Variants in EIF4G3 observed in about 807,000 individuals in gnomAD.
The protein encoded by EIF4G3 is eukaryotic translation initiation factor 4 gamma 3.
A neutral mutation model predicts 186.4 loss-of-function variants in EIF4G3; 34 were observed. That is an observed-to-expected ratio of 0.18 (90% CI 0.14 to 0.24). The LOEUF is 0.24. Among genes scored for constraint, EIF4G3 ranks in the 10% least tolerant of loss-of-function variants. The probability of loss-of-function intolerance (pLI) is 1.00; values close to 1 mark genes in which losing one functional copy is unlikely to be tolerated. For missense variants in EIF4G3, 1,536 were observed against 1,948.5 expected, an observed-to-expected ratio of 0.79 and a Z score of 3.99; for synonymous variants, 673 against 679.5, an observed-to-expected ratio of 0.99 and a Z score of 0.15.
At chr1:20,817,349 C>T in intron 34 of EIF4G3, 43 bp downstream of exon 34, 1 of 1,355,854 alleles carries the variant, frequency 7.4e-7, no homozygotes, top group Admixed American at 2.4e-5. Context: ...CCACAAGAAT[C>T]TTTCCTGTAG....
intron 4 of EIF4G3, among the ~76,000 whole-genome samples, chr1:21,030,535 T>C (rs1402531663): frequency 6.6e-6 from 1 of 152,180 alleles, no homozygotes; most frequent in Non-Finnish European, 1.5e-5. Flanking sequence ...CTTTTGTAAA[T>C]TGCCCAGTGT....
At chr1:21,087,669 T>C in intron 3 of EIF4G3, among the ~76,000 whole-genome samples, 1 of 152,088 alleles carries the variant, frequency 6.6e-6, no homozygotes, top group East Asian at 1.9e-4. Flanking sequence ...AGTCTCGCTC[T>C]GTCGCCCAGG....
At chr1:20,827,437 G>T (rs1457746758) in intron 32 of EIF4G3, among the ~76,000 whole-genome samples, 180 bp downstream of exon 32, 1 of 152,014 alleles carries the variant, frequency 6.6e-6, no homozygotes, top group Non-Finnish European at 1.5e-5. Context: ...TGATAATTCT[G>T]CCCCAAGATA....
intron 2 of EIF4G3, 109 bp from the exon 3 acceptor site, chr1:21,089,322 G>C (rs1456822679): frequency 1.1e-5 from 7 of 662,614 alleles, no homozygotes; most frequent in Non-Finnish European, 1.9e-5. Context: ...CACCCAATTA[G>C]TGAGTTATAT....
chr1:20,923,573 A>G (rs1205912507), intron 14 of EIF4G3, among the ~76,000 whole-genome samples: 3 of 151,954 alleles, frequency 2.0e-5, no homozygotes, highest in Non-Finnish European at 4.4e-5. Context: ...CCTTACACCT[A>G]CTCAACACTT....
At chr1:20,833,940 A>G (rs941940247) in intron 30 of EIF4G3, among the ~76,000 whole-genome samples, 1 of 152,230 alleles carries the variant, frequency 6.6e-6, no homozygotes, top group East Asian at 1.9e-4. Context: ...TAGTGTTGGA[A>G]GAAAAATATT....
intron 28 of EIF4G3, among the ~76,000 whole-genome samples, chr1:20,850,774 C>T (rs543929685): frequency 7.9e-4 from 120 of 152,290 alleles, no homozygotes; most frequent in African/African-American, 2.7e-3. Context: ...ATTTTTAGAG[C>T]ATTATCCGAG....
In EIF4G3 at chr1:21,093,819, C is replaced by T. The variant is rs1313337800; in HGVS notation, c.-271-4606G>A. On this transcript the variant is annotated intron_variant, in intron 2 of 36. Transcript: ENST00000602326. ...GTCCTTTGTAGGGACATGGATGAAG[C>T]TGGAAACCATCATTCTCAGCAAACT... Among the ~76,000 whole-genome samples the T allele has an allele frequency of 2.6e-5, 4 of 151,740 alleles. No homozygotes were observed. The South Asian group carries it at 8.3e-4, about 32-fold the overall frequency.
intron 28 of EIF4G3, among the ~76,000 whole-genome samples, chr1:20,849,875 T>C (rs1257321069): frequency 6.6e-6 from 1 of 152,194 alleles, no homozygotes; most frequent in Non-Finnish European, 1.5e-5. Context: ...GCCACTAAGC[T>C]TGAGCCACAC....
rs373885915 is a variant in EIF4G3 at position 20,953,753 on chromosome 1, C to T, written c.715-3642G>A. Among the ~76,000 whole-genome samples, 19 of 152,278 alleles carry T rather than the reference C, an allele frequency of 1.2e-4. No individual in the cohort carries two copies. In the East Asian group the frequency reaches 3.3e-3, roughly 26 times the overall value. ...ACAACTACAATCCTGGGGCCATATA[C>T]CTGATTTTGTACTGCCCACAAGGTA... On this transcript the variant is annotated intron_variant, in intron 12 of 36. Transcript: ENST00000602326.
At chr1:20,830,312 T>G (rs1307007281) in intron 30 of EIF4G3, among the ~76,000 whole-genome samples, 1 of 152,214 alleles carries the variant, frequency 6.6e-6, no homozygotes, top group Non-Finnish European at 1.5e-5. Flanking sequence ...ATTCTGAAGC[T>G]GCCACTTCAA....
chr1:20,941,928 G>A lies in EIF4G3; in HGVS notation c.1226C>T (p.Thr409Ile), dbSNP rs140024362. 2.3e-5 allele frequency: 37 copies of A among 1,613,996 alleles called. No homozygotes were observed. In the African/African-American group the frequency reaches 4.4e-4, roughly 19 times the overall value. The change falls in exon 14 of 37, where the codon ACT becomes ATT. Residue 409 changes from threonine to isoleucine, a missense_variant. Around this residue, in one of 11 missense-constraint regions of EIF4G3, gnomAD observed 560 missense variants for 547.8 expected, o/e 1.02. Transcript: ENST00000602326. ...TCCATTTATTTCATTAATTAGGTTA[G>A]TACTAGAAACCAGTGGAATATCATT... is the stretch of plus-strand genomic sequence containing the variant. ...APNDIPLVSS[T>I]NLINEINGVS...
chr1:20,940,256 T>G (rs939352688), intron 14 of EIF4G3, among the ~76,000 whole-genome samples: 1 of 152,204 alleles, frequency 6.6e-6, no homozygotes, highest in Non-Finnish European at 1.5e-5. Flanking sequence ...CTATGAATAC[T>G]GATGTCAATG....
chr1:21,056,146 T>C (rs754906796), intron 3 of EIF4G3, among the ~76,000 whole-genome samples: 1 of 152,190 alleles, frequency 6.6e-6, no homozygotes, highest in Non-Finnish European at 1.5e-5. Flanking sequence ...ATGCATCCTT[T>C]GCAACTCTAA....
intron 12 of EIF4G3, among the ~76,000 whole-genome samples, chr1:20,953,963 G>A (rs772347477): frequency 2.0e-5 from 3 of 152,142 alleles, no homozygotes; most frequent in Admixed American, 1.3e-4. Context: ...TGGCAGAATC[G>A]AAGAGTGCTA....
At position 21,089,070 on chromosome 1, in the gene EIF4G3, C is replaced by T. The variant is rs954708424; in HGVS notation, c.-196+68G>A. On this transcript the variant is annotated intron_variant, in intron 3 of 36. Coordinates refer to ENST00000602326, the MANE Select transcript of EIF4G3 (RefSeq NM_001391906.1). ...TCATGTGTCAATCAAACAAACACTG[C>T]CTATAATTAATACCAAGGATTCACA... 1.9e-4 allele frequency: 130 copies of T among 688,644 alleles called. No homozygotes were observed. In the Middle Eastern group the frequency reaches 3.8e-3, roughly 20 times the overall value. 42.7% of individuals were successfully genotyped at this position (688,644 alleles called of 1,614,324 possible).
At chr1:20,954,974 G>A (rs1330904261) in intron 12 of EIF4G3, among the ~76,000 whole-genome samples, 1 of 152,216 alleles carries the variant, frequency 6.6e-6, no homozygotes. Context: ...AGGAAGGGCA[G>A]TTAGATGCAT....
intron 30 of EIF4G3, among the ~76,000 whole-genome samples, chr1:20,836,884 T>C (rs767382581): frequency 1.3e-4 from 20 of 152,224 alleles, no homozygotes; most frequent in Non-Finnish European, 2.4e-4. Flanking sequence ...GAAGTGCATG[T>C]ACCTATACAA....
At position 20,879,310 on chromosome 1, in the gene EIF4G3, C is replaced by T. The variant is rs1359367708; in HGVS notation, c.2622+13G>A. On this transcript the variant is annotated intron_variant, in intron 20 of 36. Coordinates refer to ENST00000602326, the MANE Select transcript of EIF4G3 (RefSeq NM_001391906.1). ...TTGAAGATTTCTCGTTTTACTCCTT[C>T]CTCTCTTCTTACCGTTACTAGACAT... 2 of 1,568,358 alleles carry T rather than the reference C, an allele frequency of 1.3e-6. No homozygotes were observed. Among genetic ancestry groups the T allele is most frequent in the Non-Finnish European group, 8.6e-7 (1 of 1,156,644 alleles).
Sources: allele counts gnomAD v4.1 joint callset (sites outside exome capture counted in the v4.1 genomes callset), GRCh38; gene constraint gnomAD v4.1.1; regional missense constraint gnomAD v4.1.1; transcripts MANE v1.5; gene names NCBI Gene and HGNC (gene_info 2026-07-23, HGNC 2026-07-21).